EVI5: variants seen among roughly 807,000 people sequenced by gnomAD.
EVI5 encodes ecotropic viral integration site 5.
A neutral mutation model predicts 112.0 loss-of-function variants in EVI5; 73 were observed. The observed-to-expected ratio is 0.65, with a 90% CI of 0.54 to 0.79. The LOEUF (loss-of-function observed/expected upper bound fraction) is 0.79. Ranked by LOEUF, EVI5 falls within the 30% of genes least tolerant of loss-of-function variation. The pLI is 0.00. For missense variants in EVI5, 900 were observed against 968.8 expected, an observed-to-expected ratio of 0.93 and a Z score of 0.94; for synonymous variants, 305 against 319.9, an observed-to-expected ratio of 0.95 and a Z score of 0.50.
At chr1:92,567,659 A>G (rs1429637732) in intron 18 of EVI5, among the ~76,000 whole-genome samples, 2 of 152,008 alleles carry the variant, frequency 1.3e-5, no homozygotes, top group African/African-American at 4.8e-5. Context: ...GGTTTGTGTA[A>G]GCACACTCTA....
chr1:92,601,355 T>G (rs765451457), intron 18 of EVI5, among the ~76,000 whole-genome samples: 1 of 152,200 alleles, frequency 6.6e-6, no homozygotes, highest in African/African-American at 2.4e-5. Context: ...ATTCCACTAC[T>G]GGGTATATAT....
chr1:92,590,845 G>A (rs1673723785), intron 18 of EVI5, among the ~76,000 whole-genome samples: 1 of 152,178 alleles, frequency 6.6e-6, no homozygotes, highest in Non-Finnish European at 1.5e-5. Flanking sequence ...AGGAAAAAAT[G>A]TTAAGGGCAG....
chr1:92,769,226 A>G (rs1254875663), intron 1 of EVI5, among the ~76,000 whole-genome samples: 2 of 152,182 alleles, frequency 1.3e-5, no homozygotes, highest in African/African-American at 4.8e-5. Context: ...AAATATCCAG[A>G]AGAAAATGGA....
intron 1 of EVI5, among the ~76,000 whole-genome samples, chr1:92,790,839 G>C (rs572308656): frequency 9.9e-5 from 15 of 151,146 alleles, no homozygotes; most frequent in Non-Finnish European, 2.1e-4. Flanking sequence ...AAAAAAAAAG[G>C]AAAGAATAGC....
chr1:92,691,386 AT>A (rs1669481321), intron 9 of EVI5, among the ~76,000 whole-genome samples: 1 of 152,180 alleles, frequency 6.6e-6, no homozygotes, highest in Non-Finnish European at 1.5e-5. Flanking sequence ...TTTGAAAAAA[AT>A]AAATATGACA....
intron 1 of EVI5, among the ~76,000 whole-genome samples, chr1:92,777,522 G>C (rs74418487): frequency 0.015 from 2,260 of 152,218 alleles, 65 homozygotes; most frequent in African/African-American, 0.051. Flanking sequence ...CTTCTAAAAA[G>C]AATTTTGAGA....
At chr1:92,692,274 A>G (rs1669609854) in intron 9 of EVI5, among the ~76,000 whole-genome samples, 1 of 152,254 alleles carries the variant, frequency 6.6e-6, no homozygotes, top group African/African-American at 2.4e-5. Context: ...TTAGTTACCA[A>G]GAAGGTTAAG....
At chr1:92,756,442 G>A (rs767653806) in intron 1 of EVI5, 17 of 539,442 alleles carry the variant, frequency 3.2e-5, no homozygotes, top group Non-Finnish European at 4.2e-5. Flanking sequence ...TGGCTTCTTC[G>A]AGGATTATAC....
intron 6 of EVI5, 108 bp downstream of exon 6, chr1:92,697,752 C>T (rs945589842): frequency 2.2e-5 from 19 of 883,200 alleles, no homozygotes; most frequent in Middle Eastern, 2.8e-4. Context: ...ACACTTACTT[C>T]TTCAAGTGCT....
At chr1:92,687,181 C>T (rs1262076322) in intron 9 of EVI5, among the ~76,000 whole-genome samples, 1 of 152,036 alleles carries the variant, frequency 6.6e-6, no homozygotes, top group Admixed American at 6.6e-5. Context: ...GGTACTGGTA[C>T]CAAAACAGAT....
At chr1:92,724,158 A>G (rs1477919410) in intron 2 of EVI5, among the ~76,000 whole-genome samples, 2 of 150,760 alleles carry the variant, frequency 1.3e-5, no homozygotes, top group Non-Finnish European at 3.0e-5. Context: ...TCCCTGTTCC[A>G]CCCCCTCCCC....
At chr1:92,751,526 TG>T in intron 1 of EVI5, among the ~76,000 whole-genome samples, 1 of 152,308 alleles carries the variant, frequency 6.6e-6, no homozygotes, top group East Asian at 1.9e-4. Context: ...TCACCTCACT[TG>T]GGTTGGATCA....
At chr1:92,652,017 A>C (rs1342390309) in intron 13 of EVI5, among the ~76,000 whole-genome samples, 2 of 152,210 alleles carry the variant, frequency 1.3e-5, no homozygotes, top group African/African-American at 2.4e-5. Context: ...AAGAATTAAG[A>C]GCAGGAACTT....
intron 16 of EVI5, among the ~76,000 whole-genome samples, chr1:92,614,406 CTAAG>C (rs558037854): frequency 2.8e-4 from 42 of 152,268 alleles, no homozygotes; most frequent in African/African-American, 9.4e-4. Context: ...ATGGTTAATA[CTAAG>C]TGTCAACTTG....
chr1:92,606,201 C>T (rs1269956658), intron 17 of EVI5, among the ~76,000 whole-genome samples: 3 of 152,150 alleles, frequency 2.0e-5, no homozygotes, highest in Non-Finnish European at 4.4e-5. Flanking sequence ...TAAATCTGAG[C>T]CCATTACTTA....
At chr1:92,704,521 TAAG>T (rs1178480384) in intron 3 of EVI5, 31 bp downstream of exon 3, 1 of 1,371,380 alleles carries the variant, frequency 7.3e-7, no homozygotes, top group Non-Finnish European at 9.9e-7. Flanking sequence ...CACTATGGAA[TAAG>T]AATAAGAACT....
At chr1:92,536,287 G>A (rs888221404) in intron 19 of EVI5, among the ~76,000 whole-genome samples, 6 of 152,030 alleles carry the variant, frequency 3.9e-5, no homozygotes, top group Non-Finnish European at 8.8e-5. Flanking sequence ...AAAACATTTA[G>A]TAATGAGAAA....
At chr1:92,748,374 C>G (rs964329644) in intron 1 of EVI5, among the ~76,000 whole-genome samples, 1 of 152,132 alleles carries the variant, frequency 6.6e-6, no homozygotes, top group Non-Finnish European at 1.5e-5. Context: ...TGATTCTAGG[C>G]CCTAAGTGAA....
rs1363263292 is a variant in EVI5 at position 92,572,764 on chromosome 1, G to A, written c.2071-9027C>T. The stretch of plus-strand genomic sequence containing the variant: ...ATGGGTTCGGGGGTGTTCAAATAGT[G>A]TGACTCACAACTTTTGCTGGTAATT... On this transcript the variant is annotated intron_variant, in intron 18 of 19. Transcript: ENST00000684568. Among the ~76,000 whole-genome samples, 5 of 151,950 alleles carry A rather than the reference G, an allele frequency of 3.3e-5. No individual in the cohort carries two copies. In the East Asian group the frequency reaches 9.6e-4, roughly 29 times the overall value.
Sources: allele counts gnomAD v4.1 joint callset (sites outside exome capture counted in the v4.1 genomes callset), GRCh38; gene constraint gnomAD v4.1.1; transcripts MANE v1.5; gene names NCBI Gene and HGNC (gene_info 2026-07-23, HGNC 2026-07-21).